Variants in TTF2 observed in about 807,000 individuals in gnomAD.
TTF2 encodes the protein transcription termination factor 2.
A neutral mutation model predicts 142.4 loss-of-function variants in TTF2; 108 were observed. The ratio of observed to expected loss-of-function variants is 0.76; its 90% CI spans 0.65 to 0.89. The LOEUF is 0.89. Among genes scored for constraint, TTF2 ranks in the 40% least tolerant of loss-of-function variants. The pLI, the probability that TTF2 is intolerant of heterozygous loss-of-function variation, is 0.00. For missense variants in TTF2, 1,327 were observed against 1,379.8 expected, an observed-to-expected ratio of 0.96 and a Z score of 0.61; for synonymous variants, 483 against 506.2, an observed-to-expected ratio of 0.95 and a Z score of 0.61.
At chr1:117,069,418 T>G (rs1466028873) in intron 3 of TTF2, among the ~76,000 whole-genome samples, 2 of 152,198 alleles carry the variant, frequency 1.3e-5, no homozygotes, top group Non-Finnish European at 2.9e-5. Context: ...TTGAATGACC[T>G]TGACAATTTT....
chr1:117,077,035 CTTCTA>C lies in TTF2; in HGVS notation c.1573+215_1573+219del, dbSNP rs1380400921. ...TTTATTACAGTATATTCTTATAATT[CTTCTA>C]TTTTATTATTATTGTTAAATGCTTT... On this transcript the variant is annotated intron_variant, in intron 7 of 22. Coordinates refer to ENST00000369466, the MANE Select transcript of TTF2 (RefSeq NM_003594.4). Among the ~76,000 whole-genome samples the C allele has an allele frequency of 7.2e-5, 11 of 152,052 alleles. No individual in the cohort carries two copies. In the South Asian group the frequency reaches 1.9e-3, roughly 26 times the overall value.
Position 117,080,880 on chromosome 1 carries a change from G to T in TTF2, c.1784-948G>T, listed in dbSNP as rs941981544. The stretch of plus-strand genomic sequence containing the variant: ...TCCCAGCAGGGAGTTGTGACAACAG[G>T]CGTCAAAGGTTCCCTAGGAAGCTCA... On this transcript the variant is annotated intron_variant, in intron 9 of 22. Transcript: ENST00000369466. The surrounding 1 kb of genome is among the most constrained non-coding windows in gnomAD (Gnocchi z 4.3). Among the ~76,000 whole-genome samples, 1 of 152,208 alleles carries T rather than the reference G, an allele frequency of 6.6e-6. No individual in the cohort carries two copies.
rs1649731370 is a variant in TTF2 at position 117,103,315 on chromosome 1, T to C, written c.*1791T>C. The C allele has an allele frequency of 1.3e-5, 2 of 152,214 alleles. No individual in the cohort carries two copies. The highest frequency in any genetic ancestry group is 4.8e-5 in the African/African-American group (2 of 41,450). The allele number at this position is 152,214 out of a possible 1,614,324, so 9.4% of individuals were successfully genotyped here. On this transcript the variant is annotated 3_prime_UTR_variant, in exon 23 of 23. Coordinates refer to ENST00000369466, the MANE Select transcript of TTF2 (RefSeq NM_003594.4). ...TCTGTGTTGTTTACATAGCAGTTTG[T>C]ACCCTAAACAAACACTTGAGATTTT...
Position 117,086,246 on chromosome 1 carries a change from A to AAT in TTF2, c.2055-170_2055-169dup, listed in dbSNP as rs954195376. 5.5e-5 allele frequency among the ~76,000 whole-genome samples: 7 copies of AAT among 127,038 alleles called. No individual in the cohort carries two copies. The highest frequency in any genetic ancestry group is 9.5e-5 in the Non-Finnish European group (6 of 62,984). 83.3% of individuals were successfully genotyped at this position (127,038 alleles called of 152,430 possible). ...CCAAGTGGGTAAAATTTACCTCCAA[A>AAT]ATGTGTGTGTGTGTGTGTGTGTGTG... On this transcript the variant is annotated intron_variant, in intron 11 of 22. Coordinates refer to ENST00000369466, the MANE Select transcript of TTF2 (RefSeq NM_003594.4). The surrounding 1 kb of genome is among the most constrained non-coding windows in gnomAD (Gnocchi z 4.2).
At position 117,075,149 on chromosome 1, in the gene TTF2, T is replaced by C; in HGVS notation, c.565T>C (p.Ser189Pro). The change falls in exon 5 of 23, where the codon TCT (serine) becomes CCT (proline). Residue 189 changes from serine to proline, a missense_variant. Ser to Pro is a moderately conservative substitution (Grantham distance 74). Transcript: ENST00000369466. The surrounding 1 kb of genome is among the most constrained non-coding windows in gnomAD (Gnocchi z 4.5). ...TGGCCTGGTACCAAAGAAAAAACAA[T>C]CTGTAGTTCAAGAGAAGAAGCAAGA... ...SSGLVPKKKQ[S>P]VVQEKKQEEG... is the part of the protein sequence containing the mutation. The C allele has an allele frequency of 1.9e-6, 3 of 1,613,920 alleles. No individual in the cohort carries two copies. Among genetic ancestry groups the C allele is most frequent in the Non-Finnish European group, 2.5e-6 (3 of 1,179,984 alleles).
rs1046356797 is a variant in TTF2 at position 117,104,680 on chromosome 1, A to T, written c.*3156A>T. The stretch of plus-strand genomic sequence containing the variant: ...CAGAAAAAAATGGAACCACTGCCTT[A>T]ATGGGATGGAATATACTAAACATGC... On this transcript the variant is annotated 3_prime_UTR_variant, in exon 23 of 23. Transcript: ENST00000369466. 6.6e-6 allele frequency: 1 copy of T among 152,196 alleles called. No homozygotes were observed. Among genetic ancestry groups the T allele is most frequent in the Admixed American group, 6.5e-5 (1 of 15,276 alleles). The allele number at this position is 152,196 out of a possible 1,614,324, so 9.4% of individuals were successfully genotyped here. A position where few individuals can be genotyped will look rare whatever the true frequency, so the allele number is the denominator to read the frequency against.
At position 117,095,311 on chromosome 1, in the gene TTF2, T is replaced by G. The variant is rs1314415048; in HGVS notation, c.2979T>G (p.Ile993Met). 1.2e-6 allele frequency: 2 copies of G among 1,614,046 alleles called. No homozygotes were observed. The highest frequency in any genetic ancestry group is 1.7e-6 in the Non-Finnish European group (2 of 1,180,010). ...LFEGMRESTK[I>M]SSLLAELEAI... ...ATGTTGATGTAACCTTTTCCCAGAT[T>G]TCATCTCTGTTGGCAGAATTGGAGG... The change falls in exon 19 of 23, where the codon ATT (isoleucine) becomes ATG (methionine). Residue 993 changes from isoleucine to methionine, a missense_variant and splice_region_variant. Physicochemically the swap from Ile to Met is conservative, Grantham distance 10 (BLOSUM62 1). Transcript: ENST00000369466.
chr1:117,096,159 TCTCA>T lies in TTF2; in HGVS notation c.3047_3050del (p.Ser1016CysfsTer6). 1.9e-6 allele frequency: 3 copies of T among 1,614,120 alleles called. No individual in the cohort carries two copies. Among genetic ancestry groups the T allele is most frequent in the Non-Finnish European group, 1.7e-6 (2 of 1,180,002 alleles). On this transcript the variant is annotated frameshift_variant, in exon 20 of 23. Coordinates refer to ENST00000369466, the MANE Select transcript of TTF2 (RefSeq NM_003594.4). LOFTEE classifies it high-confidence loss of function. ...TATTCTTCTTTCCAGTGTCATTGTC[TCTCA>T]GTGGACCAACATGCTGAAAGTTGTA...
Position 117,088,873 on chromosome 1 carries a change from C to G in TTF2, c.2233C>G (p.Pro745Ala), listed in dbSNP as rs766812203. 1 of 1,614,200 alleles carries G rather than the reference C, an allele frequency of 6.2e-7. No individual in the cohort carries two copies. Among genetic ancestry groups the G allele is most frequent in the Non-Finnish European group, 8.5e-7 (1 of 1,180,028 alleles). Residue 745 changes from proline to alanine, a missense_variant, in exon 13 of 23, where the codon CCC becomes GCC. Coordinates refer to ENST00000369466, the MANE Select transcript of TTF2 (RefSeq NM_003594.4). Reference sequence around the variant, plus strand: ...GGATGAAGCTCACAATGTTAAGAATCCCCGAGTGCAGACTTCCATAGCTGT... The same window carrying G: ...GGATGAAGCTCACAATGTTAAGAATGCCCGAGTGCAGACTTCCATAGCTGT... ...ILDEAHNVKN[P>A]RVQTSIAVCK...
Position 117,095,164 on chromosome 1 carries a change from T to C in TTF2, c.2977-145T>C, listed in dbSNP as rs1648997461. On this transcript the variant is annotated intron_variant, in intron 18 of 22. Coordinates refer to ENST00000369466, the MANE Select transcript of TTF2 (RefSeq NM_003594.4). ...CAAACTCACATTTTAGAAAGAGCTT[T>C]CTGGCTGCAGAGAGGAGGGTGGAAT... The C allele has an allele frequency of 1.0e-5, 7 of 693,918 alleles. No homozygotes were observed. In the South Asian group the frequency reaches 1.3e-4, roughly 13 times the overall value. The allele number at this position is 693,918 out of a possible 1,614,324, so 43.0% of individuals were successfully genotyped here.
chr1:117,089,250 C>CTATAT (rs1557824248), intron 13 of TTF2, among the ~76,000 whole-genome samples: 11 of 85,102 alleles, frequency 1.3e-4, no homozygotes, highest in African/African-American at 4.3e-4. Context: ...AAAATATATG[C>CTATAT]AAATATATGC....
chr1:117,090,561 G>A lies in TTF2; in HGVS notation c.2526G>A (p.Leu842=). The change falls in exon 15 of 23, where the codon TTG becomes TTA. Residue 842 remains leucine, a synonymous_variant. Coordinates refer to ENST00000369466, the MANE Select transcript of TTF2 (RefSeq NM_003594.4). The surrounding 1 kb of genome is among the most constrained non-coding windows in gnomAD (Gnocchi z 4.8). ...TACTGCCCCAGCGTAAATTTCAGTT[G>A]CACCATTTAAAGCTTTCTGAAGATG... is the stretch of plus-strand genomic sequence containing the variant. ...LVILPQRKFQ[L]HHLKLSEDEE... The A allele has an allele frequency of 6.2e-7, 1 of 1,613,778 alleles. No individual in the cohort carries two copies. Among genetic ancestry groups the A allele is most frequent in the South Asian group, 1.1e-5 (1 of 91,028 alleles).
At chr1:117,068,861 A>T (rs898240100) in intron 3 of TTF2, among the ~76,000 whole-genome samples, 4 of 152,116 alleles carry the variant, frequency 2.6e-5, no homozygotes, top group African/African-American at 9.7e-5. Context: ...AGTGCGAGCA[A>T]TCCCTTTGTA....
chr1:117,094,131 G>T (rs184286219), intron 18 of TTF2, among the ~76,000 whole-genome samples: 1 of 152,166 alleles, frequency 6.6e-6, no homozygotes, highest in Admixed American at 6.5e-5. Context: ...TCCTGCCTAG[G>T]CACCAGAATG....
Position 117,097,936 on chromosome 1 carries a change from A to G in TTF2, c.3269+503A>G, listed in dbSNP as rs1231527003. ...TAGTGTTAATACCAGGAGTACAACCACATCTTTCGTGGCTACAGAATGAAT... is the reference window on the plus strand; with the variant it reads ...TAGTGTTAATACCAGGAGTACAACCGCATCTTTCGTGGCTACAGAATGAAT... On this transcript the variant is annotated intron_variant, in intron 21 of 22. Coordinates refer to ENST00000369466, the MANE Select transcript of TTF2 (RefSeq NM_003594.4). The surrounding 1 kb of genome is among the most constrained non-coding windows in gnomAD (Gnocchi z 4.1). 6.6e-6 allele frequency among the ~76,000 whole-genome samples: 1 copy of G among 152,202 alleles called. No homozygotes were observed. Among genetic ancestry groups the G allele is most frequent in the Non-Finnish European group, 1.5e-5 (1 of 68,042 alleles).
intron 4 of TTF2, among the ~76,000 whole-genome samples, chr1:117,074,320 C>T (rs1656812817): frequency 6.6e-6 from 1 of 152,154 alleles, no homozygotes; most frequent in South Asian, 2.1e-4. Context: ...AGTTTTTTTC[C>T]TGAAAAGTAT....
At position 117,097,389 on chromosome 1, in the gene TTF2, A is replaced by C. The variant is rs761614779; in HGVS notation, c.3225A>C (p.Leu1075=). 1.1e-5 allele frequency: 17 copies of C among 1,614,058 alleles called. No individual in the cohort carries two copies. In the African/African-American group the frequency reaches 1.5e-4, roughly 14 times the overall value. The change falls in exon 21 of 23, where the codon CTA becomes CTC. Residue 1075 remains leucine, a synonymous_variant. Transcript: ENST00000369466. The surrounding 1 kb of genome is among the most constrained non-coding windows in gnomAD (Gnocchi z 4.1). ...CTCTCTTGGCCGGAGGTGTTGGTCT[A>C]AACCTGACTGGAGGAAATCACCTCT... The part of the protein sequence containing the change: ...LISLLAGGVG[L]NLTGGNHLFL...
chr1:117,062,488 G>A lies in TTF2; in HGVS notation c.218+15G>A. The A allele has an allele frequency of 6.3e-7, 1 of 1,596,200 alleles. No homozygotes were observed. The highest frequency in any genetic ancestry group is 1.1e-5 in the South Asian group (1 of 87,112). ...AAAGAATACAGGTAAGGGTCCAAAAGGAACATCTAAGTGTATTTGCTTTTT... is the reference window on the plus strand; with the variant it reads ...AAAGAATACAGGTAAGGGTCCAAAAAGAACATCTAAGTGTATTTGCTTTTT... On this transcript the variant is annotated intron_variant, in intron 3 of 22. Transcript: ENST00000369466.
chr1:117,091,913 T>G lies in TTF2; in HGVS notation c.2768T>G (p.Leu923Arg). Residue 923 changes from leucine (L) to arginine (R), a missense_variant, in exon 17 of 23, where the codon CTC becomes CGC. Leu to Arg is a moderately radical substitution (Grantham distance 102, BLOSUM62 -2). Transcript: ENST00000369466. Reference protein sequence around the residue: ...TVHILSQLLRLRQCCCHLSLL... With the variant: ...TVHILSQLLRRRQCCCHLSLL... ...CACATACTGTCCCAGTTGCTGAGAC[T>G]CCGCCAGTGTTGCTGTCATCTTTCT... The G allele has an allele frequency of 6.2e-7, 1 of 1,613,080 alleles. No homozygotes were observed. The highest frequency in any genetic ancestry group is 8.5e-7 in the Non-Finnish European group (1 of 1,179,784).
Sources: gnomAD v4.1 joint callset for allele counts (sites outside exome capture counted in the v4.1 genomes callset) on GRCh38, gnomAD v4.1.1 for gene constraint, Gnocchi (gnomAD v3.1) non-coding constraint, MANE v1.5 for transcripts, NCBI Gene and HGNC (gene_info 2026-07-23, HGNC 2026-07-21) for gene names.